RELCH: variants seen among roughly 807,000 people sequenced by gnomAD.
RELCH encodes RAB11-binding protein RELCH.
RELCH carries 41 observed loss-of-function variants against 150.3 expected under a neutral mutation model. That is an observed-to-expected ratio of 0.27 (90% confidence interval 0.21 to 0.35). The LOEUF is 0.35. Ranked by LOEUF, RELCH falls within the 10% of genes least tolerant of loss-of-function variation. The pLI is 1.00. For synonymous variants in RELCH, 478 were observed against 531.8 expected, an observed-to-expected ratio of 0.90 and a Z score of 1.39; for missense variants, 1,092 against 1,467.8, an observed-to-expected ratio of 0.74 and a Z score of 4.18.
At chr18:62,216,214 T>C (rs1270449235) in intron 2 of RELCH, among the ~76,000 whole-genome samples, 1 of 152,130 alleles carries the variant, frequency 6.6e-6, no homozygotes, top group Non-Finnish European at 1.5e-5. Context: ...TGTTAGGTAC[T>C]ATGTGTTAGG....
intron 10 of RELCH, among the ~76,000 whole-genome samples, chr18:62,236,173 A>G (rs1322027784): frequency 6.6e-6 from 1 of 151,894 alleles, no homozygotes; most frequent in Admixed American, 6.6e-5. Flanking sequence ...ATGGCATTGA[A>G]TTTGCCACAT....
chr18:62,282,579 T>C lies in RELCH; in HGVS notation c.3253+135T>C, dbSNP rs139086256. 4.5e-4 allele frequency: 344 copies of C among 764,924 alleles called. 1 individual carries two copies. In the African/African-American group the frequency reaches 5.3e-3, roughly 12 times the overall value. 47.4% of individuals were successfully genotyped at this position (764,924 alleles called of 1,614,324 possible). A position where few individuals can be genotyped will look rare whatever the true frequency, so the allele number is the denominator to read the frequency against. Reference sequence around the variant, plus strand: ...AAAGCCTTGTGTACTGAAAGCCTTGTGTACTCTTGTGTACTGAAAGCTAAA... The same window carrying C: ...AAAGCCTTGTGTACTGAAAGCCTTGCGTACTCTTGTGTACTGAAAGCTAAA... On this transcript the variant is annotated intron_variant, in intron 25 of 28. Transcript: ENST00000644646.
intron 10 of RELCH, among the ~76,000 whole-genome samples, chr18:62,232,851 T>C (rs2041663239): frequency 6.6e-6 from 1 of 152,062 alleles, no homozygotes; most frequent in Non-Finnish European, 1.5e-5. Context: ...AGGAATAATA[T>C]AACACTAGTC....
Position 62,257,669 on chromosome 18 carries a change from G to A in RELCH, c.1897-279G>A, listed in dbSNP as rs113856460. Among the ~76,000 whole-genome samples the A allele has an allele frequency of 4.3e-3, 653 of 152,028 alleles. 3 individuals carry two copies. Among genetic ancestry groups the A allele is most frequent in the African/African-American group, 0.015 (626 of 41,494 alleles). On this transcript the variant is annotated intron_variant, in intron 13 of 28. Coordinates refer to ENST00000644646, the MANE Select transcript of RELCH (RefSeq NM_001346231.2). Reference sequence around the variant, plus strand: ...TAAAGATATAAAAAACATGCTGAGAGATGATTAATAAATACCAAATTCAAA... The same window carrying A: ...TAAAGATATAAAAAACATGCTGAGAAATGATTAATAAATACCAAATTCAAA...
intron 10 of RELCH, among the ~76,000 whole-genome samples, chr18:62,240,425 T>G (rs77479191): frequency 0.02 from 3,081 of 150,594 alleles, 44 homozygotes; most frequent in Admixed American, 0.041. Context: ...TTTTTTTTTT[T>G]GGTGACAGGG....
chr18:62,282,661 G>A (rs1443961179), intron 25 of RELCH, among the ~76,000 whole-genome samples: 1 of 151,998 alleles, frequency 6.6e-6, no homozygotes, highest in Non-Finnish European at 1.5e-5. Flanking sequence ...GGATGGTTTT[G>A]TATTATTTTG....
chr18:62,287,335 T>C lies in RELCH; in HGVS notation c.3254-16T>C, dbSNP rs771950311. 1 of 1,347,358 alleles carries C rather than the reference T, an allele frequency of 7.4e-7. No individual in the cohort carries two copies. The highest frequency in any genetic ancestry group is 1.7e-5 in the Admixed American group (1 of 58,468). The allele number at this position is 1,347,358 out of a possible 1,614,324, so 83.5% of individuals were successfully genotyped here. A position where few individuals can be genotyped will look rare whatever the true frequency, so the allele number is the denominator to read the frequency against. On this transcript the variant is annotated splice_polypyrimidine_tract_variant and intron_variant, in intron 25 of 28. Coordinates refer to ENST00000644646, the MANE Select transcript of RELCH (RefSeq NM_001346231.2). ...TGTTTTGGGTAAAAATTTAACCCTT[T>C]TTTTTCTGTTTTCAGTTGTTATACC...
intron 5 of RELCH, among the ~76,000 whole-genome samples, chr18:62,222,837 A>G (rs2040966364): frequency 6.6e-6 from 1 of 152,080 alleles, no homozygotes; most frequent in South Asian, 2.1e-4. Context: ...ACAAGTCTTA[A>G]GATGGTGAAA....
intron 24 of RELCH, among the ~76,000 whole-genome samples, chr18:62,281,068 G>A (rs992952641): frequency 5.9e-5 from 9 of 152,070 alleles, no homozygotes; most frequent in East Asian, 3.8e-4. Context: ...TAAAAACCCC[G>A]GCTTCAGGCT....
chr18:62,256,178 T>G (rs1389907518), intron 13 of RELCH, among the ~76,000 whole-genome samples: 2 of 152,042 alleles, frequency 1.3e-5, no homozygotes, highest in Non-Finnish European at 2.9e-5. Flanking sequence ...TTTTTTTTAA[T>G]GGGACACCAA....
intron 27 of RELCH, among the ~76,000 whole-genome samples, chr18:62,295,292 G>C (rs995805364): frequency 6.7e-6 from 1 of 148,166 alleles, no homozygotes; most frequent in African/African-American, 2.5e-5. Flanking sequence ...GACTACAGGC[G>C]TGAGCCACCA....
In RELCH at chr18:62,282,290, A is replaced by G. The variant is rs905113538; in HGVS notation, c.3115-16A>G. 1.2e-6 allele frequency: 2 copies of G among 1,607,774 alleles called. 1 individual carries two copies. The highest frequency in any genetic ancestry group is 2.7e-5 in the African/African-American group (2 of 74,878). ...TCAATATTCTATGAAATGACTGTAC[A>G]ATATCCAATTTTAAGTTGCTGGAAA... is the stretch of plus-strand genomic sequence containing the variant. On this transcript the variant is annotated splice_polypyrimidine_tract_variant and intron_variant, in intron 24 of 28. Coordinates refer to ENST00000644646, the MANE Select transcript of RELCH (RefSeq NM_001346231.2).
At chr18:62,298,171 A>G (rs2045508077) in intron 27 of RELCH, among the ~76,000 whole-genome samples, 1 of 151,908 alleles carries the variant, frequency 6.6e-6, no homozygotes, top group Admixed American at 6.6e-5. Context: ...ATGCCCAAAC[A>G]TGGGCCAAGA....
intron 12 of RELCH, among the ~76,000 whole-genome samples, 159 bp downstream of exon 12, chr18:62,252,913 T>A (rs2042798202): frequency 6.6e-6 from 1 of 152,222 alleles, no homozygotes; most frequent in Non-Finnish European, 1.5e-5. Flanking sequence ...TTACGAATGC[T>A]CTGGGGTGCT....
At chr18:62,278,219 CAA>C (rs1375004156) in intron 22 of RELCH, among the ~76,000 whole-genome samples, 2 of 152,044 alleles carry the variant, frequency 1.3e-5, no homozygotes, top group African/African-American at 4.8e-5. Flanking sequence ...TTGACAGACT[CAA>C]GATAGCAGAA....
At chr18:62,203,656 A>G (rs1433625627) in intron 1 of RELCH, among the ~76,000 whole-genome samples, 1 of 152,212 alleles carries the variant, frequency 6.6e-6, no homozygotes, top group African/African-American at 2.4e-5. Context: ...AATCAACTTT[A>G]TCAGTAGCCT....
At chr18:62,213,597 G>A (rs1170040838) in intron 2 of RELCH, among the ~76,000 whole-genome samples, 1 of 152,050 alleles carries the variant, frequency 6.6e-6, no homozygotes, top group Non-Finnish European at 1.5e-5. Flanking sequence ...GGGCATGGTT[G>A]CGTGTGCCTG....
chr18:62,255,540 G>A (rs1336421788), intron 13 of RELCH, 62 bp downstream of exon 13: 1 of 1,166,002 alleles, frequency 8.6e-7, no homozygotes, highest in Admixed American at 2.2e-5. Context: ...ACCTTTTTTT[G>A]AGTGTCTTAT....
intron 25 of RELCH, 59 bp from the exon 26 acceptor site, chr18:62,287,292 G>C (rs1473086133): frequency 1.3e-6 from 1 of 783,740 alleles, no homozygotes; most frequent in Admixed American, 2.0e-5. Context: ...GTTAAAGTGT[G>C]TCAGGGTTTT....
Sources: gnomAD v4.1 joint callset for allele counts (sites outside exome capture counted in the v4.1 genomes callset) on GRCh38, gnomAD v4.1.1 for gene constraint, MANE v1.5 for transcripts, NCBI Gene and HGNC (gene_info 2026-07-23, HGNC 2026-07-21) for gene names.